The following ANKRD55 variants were observed in gnomAD, a reference collection of about 807,000 sequenced individuals.
ANKRD55 encodes the protein ankyrin repeat domain 55, also known as ankyrin repeat domain-containing protein 55.
A neutral mutation model predicts 60.6 loss-of-function variants in ANKRD55; 41 were observed. The ratio of observed to expected loss-of-function variants is 0.68; its 90% CI spans 0.53 to 0.88. The LOEUF is 0.88. ANKRD55 is among the 40% of genes least tolerant of loss of function. The pLI is 0.00. For synonymous variants in ANKRD55, 264 were observed against 290.3 expected, an observed-to-expected ratio of 0.91 and a Z score of 0.92; for missense variants, 732 against 767.6, an observed-to-expected ratio of 0.95 and a Z score of 0.55.
At chr5:56,198,994 G>A (rs558356113) in intron 2 of ANKRD55, among the ~76,000 whole-genome samples, 1 of 152,198 alleles carries the variant, frequency 6.6e-6, no homozygotes, top group African/African-American at 2.4e-5. Context: ...GCAGGAGAAT[G>A]GTGTGAAGCC....
At chr5:56,133,170 A>G (rs544373537) in intron 7 of ANKRD55, among the ~76,000 whole-genome samples, 11 of 152,272 alleles carry the variant, frequency 7.2e-5, no homozygotes, top group Middle Eastern at 3.4e-3. Context: ...GCCGGGCACG[A>G]TGGCTCATGC....
intron 7 of ANKRD55, among the ~76,000 whole-genome samples, chr5:56,135,294 GCTTTCTTT>G (rs1255557630): frequency 0.02 from 1,705 of 84,260 alleles, 67 homozygotes; most frequent in East Asian, 0.052. Flanking sequence ...CTGCCTGCTT[GCTTTCTTT>G]CTTTCTTTCT....
At chr5:56,113,986 CTATA>C (rs3055156) in intron 9 of ANKRD55, among the ~76,000 whole-genome samples, 16,563 of 138,942 alleles carry the variant, frequency 0.12, 1,086 homozygotes, top group South Asian at 0.2. Flanking sequence ...AATATGTATA[CTATA>C]TATATATATA....
intron 2 of ANKRD55, among the ~76,000 whole-genome samples, chr5:56,200,149 A>T (rs1759331594): frequency 6.6e-6 from 1 of 152,158 alleles, no homozygotes; most frequent in Non-Finnish European, 1.5e-5. Flanking sequence ...GTCAGAATAA[A>T]CCAAATTCAG....
intron 8 of ANKRD55, among the ~76,000 whole-genome samples, chr5:56,120,185 G>A (rs1288483681): frequency 1.3e-5 from 2 of 151,758 alleles, no homozygotes; most frequent in African/African-American, 2.4e-5. Context: ...TACAGGCACG[G>A]GCCACCACAC....
intron 2 of ANKRD55, among the ~76,000 whole-genome samples, chr5:56,223,550 C>A (rs1760025824): frequency 1.3e-5 from 2 of 152,288 alleles, no homozygotes; most frequent in South Asian, 4.1e-4. Flanking sequence ...TTAAAATACA[C>A]AGACTGCCAA....
At chr5:56,128,458 C>G (rs767224348) in intron 7 of ANKRD55, among the ~76,000 whole-genome samples, 4 of 152,184 alleles carry the variant, frequency 2.6e-5, no homozygotes, top group Non-Finnish European at 4.4e-5. Flanking sequence ...CTCTTGGTAG[C>G]TGGGGTACTG....
intron 9 of ANKRD55, among the ~76,000 whole-genome samples, chr5:56,112,107 T>C (rs907696784): frequency 6.6e-6 from 1 of 152,136 alleles, no homozygotes; most frequent in African/African-American, 2.4e-5. Flanking sequence ...AACTGAAAAT[T>C]AGCTGAAAGT....
chr5:56,143,675 TCAA>T, intron 7 of ANKRD55, 123 bp downstream of exon 7: 5 of 1,379,668 alleles, frequency 3.6e-6, no homozygotes, highest in Non-Finnish European at 5.0e-6. Context: ...GGGTTTCTTT[TCAA>T]CAAGTGGTGG....
chr5:56,206,614 T>C (rs1377353419), intron 2 of ANKRD55, among the ~76,000 whole-genome samples: 1 of 152,134 alleles, frequency 6.6e-6, no homozygotes, highest in African/African-American at 2.4e-5. Context: ...TGTTTCATAG[T>C]GCATAGTTGT....
At position 56,143,900 on chromosome 5, in the gene ANKRD55, G is replaced by A. The variant is rs528754382; in HGVS notation, c.513C>T (p.Phe171=). Residue 171 remains phenylalanine, a synonymous_variant, in exon 7 of 12, where the codon TTC becomes TTT. Coordinates refer to ENST00000341048, the MANE Select transcript of ANKRD55 (RefSeq NM_024669.3). ...EGMTPLHWAA[F]HNQPQHTQML... is the part of the protein sequence containing the mutation. ...TTTGTGTGTGTTGAGGCTGGTTGTG[G>A]AAAGCCGCCCAGTGGAGTGGTGTCA... is the stretch of plus-strand genomic sequence containing the variant. The A allele has an allele frequency of 7.7e-5, 125 of 1,614,126 alleles. 2 individuals are homozygous for A. In the South Asian group the frequency reaches 1.4e-3, roughly 17 times the overall value.
At chr5:56,167,873 C>T (rs543653175) in intron 5 of ANKRD55, among the ~76,000 whole-genome samples, 1 of 152,280 alleles carries the variant, frequency 6.6e-6, no homozygotes, top group East Asian at 1.9e-4. Flanking sequence ...AGGAAGTACA[C>T]TTGGGTTGAT....
chr5:56,181,026 C>G (rs545176248), intron 3 of ANKRD55, among the ~76,000 whole-genome samples: 2 of 152,144 alleles, frequency 1.3e-5, no homozygotes, highest in East Asian at 3.9e-4. Context: ...CATGGTGAAA[C>G]CTGTCTCTAC....
intron 2 of ANKRD55, among the ~76,000 whole-genome samples, chr5:56,224,116 A>G (rs1401634125): frequency 1.3e-5 from 2 of 152,236 alleles, no homozygotes; most frequent in Non-Finnish European, 2.9e-5. Context: ...ATGTAAAAGA[A>G]CAGAAATTAT....
chr5:56,107,982 G>A (rs1468273634), intron 10 of ANKRD55, among the ~76,000 whole-genome samples: 3 of 151,396 alleles, frequency 2.0e-5, no homozygotes, highest in East Asian at 1.9e-4. Flanking sequence ...TGATCCTCCC[G>A]TCTCAGCCCC....
intron 6 of ANKRD55, among the ~76,000 whole-genome samples, chr5:56,145,068 GC>G (rs1193179226): frequency 6.6e-6 from 1 of 152,202 alleles, no homozygotes; most frequent in African/African-American, 2.4e-5. Flanking sequence ...GAGAAGATGG[GC>G]CTCAGCCTAG....
At chr5:56,177,500 G>A (rs1409271824) in intron 3 of ANKRD55, among the ~76,000 whole-genome samples, 1 of 152,078 alleles carries the variant, frequency 6.6e-6, no homozygotes, top group Non-Finnish European at 1.5e-5. Flanking sequence ...AGATAGGCCG[G>A]GTGTGGTGGC....
chr5:56,166,160 TCCTTCCTTC>T (rs1758471487), intron 5 of ANKRD55, among the ~76,000 whole-genome samples: 8 of 101,880 alleles, frequency 7.9e-5, no homozygotes, highest in Non-Finnish European at 1.1e-4. Flanking sequence ...CTTTCTTCTT[TCCTTCCTTC>T]CTTCCTTCCT....
intron 8 of ANKRD55, among the ~76,000 whole-genome samples, chr5:56,122,357 T>C (rs1018248344): frequency 6.6e-6 from 1 of 152,084 alleles, no homozygotes; most frequent in Non-Finnish European, 1.5e-5. Context: ...GTATTCAAGA[T>C]TGAATAAACT....
Sources: gnomAD v4.1 joint callset for allele counts (sites outside exome capture counted in the v4.1 genomes callset) on GRCh38, gnomAD v4.1.1 for gene constraint, MANE v1.5 for transcripts, NCBI Gene and HGNC (gene_info 2026-07-23, HGNC 2026-07-21) for gene names.